Variants in MGAT4C observed in about 807,000 individuals in gnomAD.
MGAT4C encodes the protein MGAT4 family member C.
A neutral mutation model predicts 40.1 loss-of-function variants in MGAT4C; 19 were observed. The observed-to-expected ratio is 0.47, with a 90% CI of 0.33 to 0.70. The LOEUF is 0.70. Among genes scored for constraint, MGAT4C ranks in the 30% least tolerant of loss-of-function variants. MGAT4C has a pLI of 0.02. For missense variants in MGAT4C, 491 were observed against 563.2 expected (o/e 0.87, Z 1.30); for synonymous variants, 181 against 187.1 (o/e 0.97, Z 0.27).
At chr12:86,093,586 G>A (rs916518565) in intron 1 of MGAT4C, among the ~76,000 whole-genome samples, 1 of 151,944 alleles carries the variant, frequency 6.6e-6, no homozygotes, top group African/African-American at 2.4e-5. Flanking sequence ...AAATTAGCTG[G>A]GTGTGGTGGT....
chr12:86,687,708 T>C (rs965199091), intron 2 of MGAT4C, among the ~76,000 whole-genome samples: 1 of 151,950 alleles, frequency 6.6e-6, no homozygotes, highest in Non-Finnish European at 1.5e-5. Context: ...GAGACTGTTA[T>C]GATTTCTGTT....
At chr12:86,215,068 T>C (rs192561902) in intron 1 of MGAT4C, among the ~76,000 whole-genome samples, 1 of 152,256 alleles carries the variant, frequency 6.6e-6, no homozygotes, top group East Asian at 1.9e-4. Flanking sequence ...CACTAGATTT[T>C]GAGTTATGGA....
At chr12:86,072,743 C>G (rs1868818986) in intron 1 of MGAT4C, among the ~76,000 whole-genome samples, 1 of 152,012 alleles carries the variant, frequency 6.6e-6, no homozygotes, top group South Asian at 2.1e-4. Context: ...AAGAAATACG[C>G]AACAGAATAT....
chr12:86,027,287 A>G (rs1192492713), intron 2 of MGAT4C, among the ~76,000 whole-genome samples: 1 of 151,940 alleles, frequency 6.6e-6, no homozygotes, highest in African/African-American at 2.4e-5. Flanking sequence ...CTCAAAGACA[A>G]TGGCTGCGAC....
chr12:85,968,443 C>A lies in MGAT4C; in HGVS notation c.*10846G>T, dbSNP rs1261978057. 1.3e-5 allele frequency: 2 copies of A among 151,874 alleles called. No individual in the cohort carries two copies. Among genetic ancestry groups the A allele is most frequent in the Non-Finnish European group, 1.5e-5 (1 of 67,894 alleles). The allele number at this position is 151,874 out of a possible 1,614,324, so 9.4% of individuals were successfully genotyped here. On this transcript the variant is annotated 3_prime_UTR_variant, in exon 5 of 5. Coordinates refer to ENST00000611864, the MANE Select transcript of MGAT4C (RefSeq NM_001351288.2). ...TCTCCAAAAACGAGAGTCCCAGATT[C>A]AATAGGAAGGCATGCAGAGTGTTCT...
rs570173863 is a variant in MGAT4C, at chr12:86,191,751, G to GGTGTGTGTGTGTGTGTGTGTGTGTGT, written c.-57+64462_-57+64487dup. On this transcript the variant is annotated intron_variant, in intron 1 of 4. Transcript: ENST00000611864. ...GGTTAAGTTTGCTACAGGAGATAAA[G>GGTGTGTGTGTGTGTGTGTGTGTGTGT]GTGTGTGTGTGTGTGTGTGTGTGTG... Among the ~76,000 whole-genome samples the GGTGTGTGTGTGTGTGTGTGTGTGTGT allele has an allele frequency of 2.1e-4, 21 of 98,572 alleles. No homozygotes were observed. The South Asian group carries it at 6.3e-3, about 30-fold the overall frequency. The allele number at this position is 98,572 out of a possible 152,430, so 64.7% of individuals were successfully genotyped here.
At chr12:86,440,844 A>C (rs1307415175) in intron 2 of MGAT4C, among the ~76,000 whole-genome samples, 2 of 152,082 alleles carry the variant, frequency 1.3e-5, no homozygotes, top group Non-Finnish European at 2.9e-5. Context: ...ACCAAGCTGA[A>C]AACAAATCAA....
At chr12:86,187,718 G>C (rs1331697685) in intron 1 of MGAT4C, among the ~76,000 whole-genome samples, 1 of 147,628 alleles carries the variant, frequency 6.8e-6, no homozygotes, top group Admixed American at 7.0e-5. Flanking sequence ...CTACTTGGCT[G>C]TTAGGCATTG....
chr12:86,785,052 T>C (rs1211946450), intron 1 of MGAT4C, among the ~76,000 whole-genome samples: 1 of 151,968 alleles, frequency 6.6e-6, no homozygotes, highest in Non-Finnish European at 1.5e-5. Flanking sequence ...AAATTCTTCT[T>C]TGTATTATCT....
intron 1 of MGAT4C, among the ~76,000 whole-genome samples, chr12:86,146,231 T>A (rs1382627708): frequency 6.6e-6 from 1 of 152,154 alleles, no homozygotes; most frequent in African/African-American, 2.4e-5. Flanking sequence ...TTTTCTTACA[T>A]GTATATTCTA....
At position 86,769,950 on chromosome 12, in the gene MGAT4C, C is replaced by T. The variant is rs181844930; in HGVS notation, c.-261-42709G>A. On this transcript the variant is annotated intron_variant, in intron 1 of 7. Transcript: ENST00000548651. ...ATGGGTGCAGCACACCAGCATGGCA[C>T]ACGTATACATATGTAACTAACCTGC... is the stretch of plus-strand genomic sequence containing the variant. Among the ~76,000 whole-genome samples the T allele has an allele frequency of 3.7e-3, 560 of 152,062 alleles. 2 individuals are homozygous for T. The highest frequency in any genetic ancestry group is 0.012 in the African/African-American group (502 of 41,480).
rs368487322 is a variant in MGAT4C, at chr12:86,426,804, A to G, written c.-120+8353T>C. ...CTACTAAAAATACAAAAAATTAGCC[A>G]GGTGTGGTGGCGGGCGCCTGTAGTC... On this transcript the variant is annotated intron_variant, in intron 3 of 7. Transcript: ENST00000548651. Among the ~76,000 whole-genome samples, 987 of 152,076 alleles carry G rather than the reference A, an allele frequency of 6.5e-3. 10 individuals are homozygous for G. Among genetic ancestry groups the G allele is most frequent in the African/African-American group, 0.023 (944 of 41,482 alleles).
At chr12:86,803,542 C>G (rs1159456300) in intron 1 of MGAT4C, among the ~76,000 whole-genome samples, 13 of 151,600 alleles carry the variant, frequency 8.6e-5, no homozygotes, top group South Asian at 8.4e-4. Flanking sequence ...TATCCAGAAT[C>G]TACAATGAAC....
In MGAT4C at chr12:85,957,657, C is replaced by CAAAAAAAAAAAAA. The variant is rs5799763; in HGVS notation, c.*21619_*21631dup. The CAAAAAAAAAAAAA allele has an allele frequency of 3.4e-4, 34 of 101,276 alleles. No homozygotes were observed. The highest frequency in any genetic ancestry group is 3.6e-4 in the African/African-American group (9 of 24,738). The allele number at this position is 101,276 out of a possible 1,614,324, so 6.3% of individuals were successfully genotyped here. A position where few individuals can be genotyped will look rare whatever the true frequency, so the allele number is the denominator to read the frequency against. On this transcript the variant is annotated 3_prime_UTR_variant, in exon 5 of 5. Coordinates refer to ENST00000611864, the MANE Select transcript of MGAT4C (RefSeq NM_001351288.2). Reference sequence around the variant, plus strand: ...TTTACTGTAGAGTTGAATAAGAAAGCAAAAAAAAAAAAAAAAGAAAAAAGA... The same window carrying CAAAAAAAAAAAAA: ...TTTACTGTAGAGTTGAATAAGAAAGCAAAAAAAAAAAAAAAAAAAAAAAAAAAAAGAAAAAAGA...
intron 1 of MGAT4C, among the ~76,000 whole-genome samples, chr12:86,103,807 T>C (rs918007128): frequency 6.6e-6 from 1 of 152,180 alleles, no homozygotes; most frequent in Non-Finnish European, 1.5e-5. Context: ...CTGCTTAAAT[T>C]TGAGATCCTC....
chr12:86,774,368 C>CTTTCTTT (rs1555227856), intron 1 of MGAT4C, among the ~76,000 whole-genome samples: 1 of 87,866 alleles, frequency 1.1e-5, no homozygotes, highest in African/African-American at 4.8e-5. Flanking sequence ...CTCTCTCTCT[C>CTTTCTTT]TCTTTCTGTC....
At chr12:86,644,287 C>A (rs1284081640) in intron 2 of MGAT4C, among the ~76,000 whole-genome samples, 1 of 151,590 alleles carries the variant, frequency 6.6e-6, no homozygotes, top group Non-Finnish European at 1.5e-5. Context: ...CAGACTCGAA[C>A]AGGAATTCTC....
intron 2 of MGAT4C, among the ~76,000 whole-genome samples, chr12:86,632,165 T>C (rs1271502444): frequency 6.6e-6 from 1 of 152,088 alleles, no homozygotes; most frequent in Non-Finnish European, 1.5e-5. Flanking sequence ...ATGCTCATCA[T>C]CACTGGTCAT....
At chr12:86,325,139 T>G (rs988836184) in intron 4 of MGAT4C, among the ~76,000 whole-genome samples, 6 of 152,158 alleles carry the variant, frequency 3.9e-5, no homozygotes, top group Non-Finnish European at 8.8e-5. Context: ...TATATGTTAT[T>G]TGCAGTAAGT....
Sources: allele counts gnomAD v4.1 joint callset (sites outside exome capture counted in the v4.1 genomes callset), GRCh38; gene constraint gnomAD v4.1.1; transcripts MANE v1.5; gene names NCBI Gene and HGNC (gene_info 2026-07-23, HGNC 2026-07-21).